Variants in IMMP2L observed in about 807,000 individuals in gnomAD.
IMMP2L encodes the protein mitochondrial inner membrane protease subunit 2.
IMMP2L carries 18 observed loss-of-function variants against 19.3 expected under a neutral mutation model. The ratio of observed to expected loss-of-function variants is 0.93; its 90% confidence interval spans 0.64 to 1.38. The LOEUF (loss-of-function observed/expected upper bound fraction) is 1.38, where lower values mean the gene tolerates loss of function less well. Among genes scored for constraint, IMMP2L ranks in the 40% most tolerant of loss-of-function variants. The pLI is 0.00. For synonymous variants in IMMP2L, 76 were observed against 73.0 expected (o/e 1.04, Z -0.21); for missense variants, 233 against 218.2 (o/e 1.07, Z -0.43).
chr7:111,082,095 A>G (rs770037343), intron 3 of IMMP2L, among the ~76,000 whole-genome samples: 7 of 152,196 alleles, frequency 4.6e-5, no homozygotes, highest in Non-Finnish European at 7.3e-5. Flanking sequence ...AACAGTAACC[A>G]TTTGGAGGCT....
chr7:110,937,380 C>G (rs900226692), intron 4 of IMMP2L, among the ~76,000 whole-genome samples: 65 of 152,114 alleles, frequency 4.3e-4, no homozygotes, highest in African/African-American at 1.5e-3. Flanking sequence ...TATGTACACC[C>G]AGTTTGGGTG....
chr7:111,163,340 T>G (rs1475779391), intron 3 of IMMP2L, among the ~76,000 whole-genome samples: 1 of 152,116 alleles, frequency 6.6e-6, no homozygotes, highest in East Asian at 1.9e-4. Context: ...CCCTGGCCTC[T>G]AAAAAGTCTC....
chr7:111,352,367 CTTTT>C (rs748454509), intron 3 of IMMP2L, among the ~76,000 whole-genome samples: 4 of 130,832 alleles, frequency 3.1e-5, no homozygotes, highest in Non-Finnish European at 1.6e-5. Flanking sequence ...GCACAACTAA[CTTTT>C]TTTTTTTTTT....
chr7:110,715,396 A>G (rs1795172068), intron 5 of IMMP2L, among the ~76,000 whole-genome samples: 1 of 152,134 alleles, frequency 6.6e-6, no homozygotes, highest in Non-Finnish European at 1.5e-5. Flanking sequence ...TTTCTGAGGT[A>G]GGCATTTAGT....
At chr7:111,199,529 A>G (rs566718539) in intron 3 of IMMP2L, among the ~76,000 whole-genome samples, 1 of 152,282 alleles carries the variant, frequency 6.6e-6, no homozygotes, top group South Asian at 2.1e-4. Context: ...AGAAAAGCCA[A>G]TGGTAATCAC....
intron 4 of IMMP2L, among the ~76,000 whole-genome samples, chr7:110,938,855 T>C (rs956381446): frequency 3.3e-5 from 5 of 152,132 alleles, no homozygotes; most frequent in African/African-American, 9.7e-5. Context: ...AATGAAGATA[T>C]TAATGTTGGA....
At chr7:111,356,799 G>C (rs943538914) in intron 3 of IMMP2L, among the ~76,000 whole-genome samples, 10 of 152,134 alleles carry the variant, frequency 6.6e-5, no homozygotes, top group Non-Finnish European at 1.2e-4. Flanking sequence ...GGCTGAGGTA[G>C]GCGGATCACC....
In IMMP2L at chr7:111,478,274, G is replaced by A. The variant is rs148770158; in HGVS notation, c.239+8964C>T. 1.6e-3 allele frequency among the ~76,000 whole-genome samples: 250 copies of A among 151,964 alleles called. 2 individuals carry two copies. Among genetic ancestry groups the A allele is most frequent in the African/African-American group, 5.8e-3 (242 of 41,460 alleles). ...TAATTTTCTAATAAACTAATCTATT[G>A]AGTTCTTCATTTCAGTCACAGTTTT... On this transcript the variant is annotated intron_variant, in intron 3 of 5. Transcript: ENST00000405709.
At chr7:111,122,824 A>AC in intron 3 of IMMP2L, 1 of 1,613,924 alleles carries the variant, frequency 6.2e-7, no homozygotes, top group Non-Finnish European at 8.5e-7. Context: ...AGCTATCACT[A>AC]CACTAGTACA....
Position 111,105,618 on chromosome 7 carries a change from A to G in IMMP2L, c.240-142053T>C, listed in dbSNP as rs1484811232. ...GAGTACTTTCTAAGAAACAAATACA[A>G]CATGTATTTTTGTTGTTCCTCCTAT... On this transcript the variant is annotated intron_variant, in intron 3 of 5. Transcript: ENST00000405709. 2.6e-5 allele frequency among the ~76,000 whole-genome samples: 4 copies of G among 151,942 alleles called. No homozygotes were observed. The East Asian group carries it at 7.7e-4, about 29-fold the overall frequency.
intron 5 of IMMP2L, among the ~76,000 whole-genome samples, chr7:110,669,038 TGTGTGTGTGTGTGC>T (rs776048737): frequency 0.096 from 9,284 of 96,554 alleles, 493 homozygotes; most frequent in African/African-American, 0.2. Context: ...TGTGTGTGTG[TGTGTGTGTGTGTGC>T]GTGTGTGTGT....
chr7:110,851,681 T>C (rs1806240072), intron 5 of IMMP2L, among the ~76,000 whole-genome samples: 1 of 152,252 alleles, frequency 6.6e-6, no homozygotes, highest in South Asian at 2.1e-4. Context: ...AGGATTGAAC[T>C]AACTCACAAA....
intron 5 of IMMP2L, among the ~76,000 whole-genome samples, chr7:110,772,856 T>C (rs1584781599): frequency 6.6e-6 from 1 of 152,236 alleles, no homozygotes; most frequent in South Asian, 2.1e-4. Flanking sequence ...TATGCCTGCA[T>C]ATTAAGGACC....
At chr7:111,191,080 C>G (rs1808813671) in intron 3 of IMMP2L, among the ~76,000 whole-genome samples, 1 of 152,206 alleles carries the variant, frequency 6.6e-6, no homozygotes, top group African/African-American at 2.4e-5. Flanking sequence ...TGAGAAGCAA[C>G]AAAAGCATAC....
At chr7:111,051,860 A>C (rs1193360189) in intron 3 of IMMP2L, among the ~76,000 whole-genome samples, 1 of 152,194 alleles carries the variant, frequency 6.6e-6, no homozygotes, top group Non-Finnish European at 1.5e-5. Context: ...CCAAAAATGA[A>C]ATTTTAAGCC....
chr7:110,959,708 C>T (rs917824881), intron 4 of IMMP2L, among the ~76,000 whole-genome samples: 1 of 152,020 alleles, frequency 6.6e-6, no homozygotes, highest in Admixed American at 6.6e-5. Flanking sequence ...TTCATTGCTA[C>T]ATGATAGAGG....
At chr7:111,040,762 T>C (rs1038605450) in intron 3 of IMMP2L, among the ~76,000 whole-genome samples, 5 of 149,320 alleles carry the variant, frequency 3.3e-5, no homozygotes. Flanking sequence ...TTATAAAACC[T>C]TATAAAACTA....
chr7:111,041,154 A>G (rs1200323692), intron 3 of IMMP2L, among the ~76,000 whole-genome samples: 2 of 152,136 alleles, frequency 1.3e-5, no homozygotes, highest in Admixed American at 6.5e-5. Flanking sequence ...GGAAATTTAA[A>G]TTATTGTTTT....
At chr7:110,979,419 T>A (rs1209579959) in intron 3 of IMMP2L, among the ~76,000 whole-genome samples, 1 of 152,168 alleles carries the variant, frequency 6.6e-6, no homozygotes, top group African/African-American at 2.4e-5. Flanking sequence ...TTACAGATGA[T>A]GTTTTGTCAT....
Sources: allele counts gnomAD v4.1 joint callset (sites outside exome capture counted in the v4.1 genomes callset), GRCh38; gene constraint gnomAD v4.1.1; transcripts MANE v1.5; gene names NCBI Gene and HGNC (gene_info 2026-07-23, HGNC 2026-07-21).